The following ROBO2 variants were observed in gnomAD, a reference collection of about 807,000 sequenced individuals.
ROBO2 encodes roundabout homolog 2.
ROBO2 carries 53 observed loss-of-function variants against 160.8 expected under a neutral mutation model. The observed-to-expected ratio is 0.33, with a 90% confidence interval of 0.26 to 0.41. The LOEUF (loss-of-function observed/expected upper bound fraction) is 0.41. Among genes scored for constraint, ROBO2 ranks in the 10% least tolerant of loss-of-function variants. The pLI is 1.00. For missense variants in ROBO2, 1,577 were observed against 1,722.4 expected, an observed-to-expected ratio of 0.92 and a Z score of 1.49; for synonymous variants, 664 against 611.7, an observed-to-expected ratio of 1.09 and a Z score of -1.26.
At chr3:77,225,273 T>A (rs748956863) in intron 2 of ROBO2, among the ~76,000 whole-genome samples, 1 of 151,984 alleles carries the variant, frequency 6.6e-6, no homozygotes, top group Admixed American at 6.6e-5. Context: ...GGAATTACTA[T>A]GCTCATGTTG....
intron 6 of ROBO2, among the ~76,000 whole-genome samples, chr3:77,530,057 A>G (rs1347118910): frequency 6.6e-6 from 1 of 151,956 alleles, no homozygotes; most frequent in East Asian, 1.9e-4. Context: ...GAAAAACTAC[A>G]TTATTATTTA....
intron 17 of ROBO2, among the ~76,000 whole-genome samples, chr3:77,594,890 A>G (rs946890059): frequency 2.0e-5 from 3 of 152,212 alleles, no homozygotes; most frequent in Admixed American, 2.0e-4. Flanking sequence ...TTAAATACAA[A>G]TTAGTTCTTT....
intron 2 of ROBO2, among the ~76,000 whole-genome samples, chr3:76,445,660 G>C (rs1394245818): frequency 6.6e-6 from 1 of 152,004 alleles, no homozygotes; most frequent in Admixed American, 6.6e-5. Flanking sequence ...GGCAAACCGA[G>C]TCCAGCAACT....
chr3:77,233,229 C>G (rs544017192), intron 2 of ROBO2, among the ~76,000 whole-genome samples: 1 of 152,110 alleles, frequency 6.6e-6, no homozygotes, highest in Non-Finnish European at 1.5e-5. Flanking sequence ...ATACCATGAA[C>G]AATTCAGTAA....
At chr3:76,749,989 A>G (rs909451773) in intron 2 of ROBO2, among the ~76,000 whole-genome samples, 1 of 152,136 alleles carries the variant, frequency 6.6e-6, no homozygotes, top group African/African-American at 2.4e-5. Flanking sequence ...GCAGAGACAC[A>G]ACAGAAAAAG....
At chr3:75,974,986 A>C (rs991300384) in intron 2 of ROBO2, among the ~76,000 whole-genome samples, 1 of 151,558 alleles carries the variant, frequency 6.6e-6, no homozygotes, top group Non-Finnish European at 1.5e-5. Context: ...CTGTCCTCAA[A>C]ATATAAATAA....
At chr3:76,779,923 A>G (rs934870524) in intron 2 of ROBO2, among the ~76,000 whole-genome samples, 1 of 150,994 alleles carries the variant, frequency 6.6e-6, no homozygotes, top group Non-Finnish European at 1.5e-5. Flanking sequence ...TAGAAGTGAG[A>G]TTGTTGGATC....
intron 2 of ROBO2, among the ~76,000 whole-genome samples, chr3:76,599,471 C>A (rs1366257267): frequency 6.6e-6 from 1 of 151,966 alleles, no homozygotes; most frequent in Non-Finnish European, 1.5e-5. Context: ...TATGTTGATT[C>A]CATGTCTTTG....
intron 2 of ROBO2, among the ~76,000 whole-genome samples, chr3:76,634,009 T>C (rs888781367): frequency 3.3e-5 from 5 of 152,246 alleles, no homozygotes; most frequent in Admixed American, 1.3e-4. Context: ...ATTTAAAAGA[T>C]AATGTAATGG....
chr3:76,993,688 A>G (rs987335642), intron 2 of ROBO2, among the ~76,000 whole-genome samples: 3 of 152,212 alleles, frequency 2.0e-5, no homozygotes, highest in East Asian at 1.9e-4. Flanking sequence ...CCATACTTTG[A>G]TGGGAAGGGG....
chr3:77,258,608 C>T (rs2058576013), intron 2 of ROBO2, among the ~76,000 whole-genome samples: 1 of 130,716 alleles, frequency 7.7e-6, no homozygotes, highest in African/African-American at 3.0e-5. Flanking sequence ...GGGTGACAGA[C>T]GGAGACTTTG....
chr3:77,096,770 C>G (rs548150387), intron 1 of ROBO2, among the ~76,000 whole-genome samples: 7 of 152,152 alleles, frequency 4.6e-5, no homozygotes, highest in African/African-American at 1.7e-4. Flanking sequence ...TTTCTTACGC[C>G]CCTTATGGCC....
At chr3:76,701,181 C>G (rs572380499) in intron 2 of ROBO2, among the ~76,000 whole-genome samples, 1 of 152,136 alleles carries the variant, frequency 6.6e-6, no homozygotes, top group East Asian at 1.9e-4. Flanking sequence ...TTTGCTGATG[C>G]TTGCAAAGTT....
At chr3:77,369,585 G>A (rs2153475640) in intron 2 of ROBO2, among the ~76,000 whole-genome samples, 1 of 152,256 alleles carries the variant, frequency 6.6e-6, no homozygotes, top group East Asian at 1.9e-4. Context: ...CTGCATTTTT[G>A]TAATTATTGG....
chr3:76,171,392 G>GGGAAA (rs1345108588), intron 2 of ROBO2, among the ~76,000 whole-genome samples: 3 of 151,776 alleles, frequency 2.0e-5, no homozygotes, highest in African/African-American at 7.3e-5. Flanking sequence ...TCAGTCAGGT[G>GGGAAA]GGAAAGGGAA....
chr3:77,051,595 C>T (rs1180505500), intron 1 of ROBO2, among the ~76,000 whole-genome samples: 1 of 152,232 alleles, frequency 6.6e-6, no homozygotes, highest in Admixed American at 6.5e-5. Flanking sequence ...TTCAACATTT[C>T]TTTTCAGAAA....
intron 2 of ROBO2, among the ~76,000 whole-genome samples, chr3:76,749,656 A>C (rs1357272024): frequency 6.6e-6 from 1 of 152,130 alleles, no homozygotes; most frequent in African/African-American, 2.4e-5. Context: ...ATTAATGGGT[A>C]TACAAGTATC....
intron 2 of ROBO2, among the ~76,000 whole-genome samples, chr3:77,449,322 T>C (rs2080889026): frequency 6.6e-6 from 1 of 152,136 alleles, no homozygotes; most frequent in African/African-American, 2.4e-5. Context: ...TCTGTATTTT[T>C]AATTTCCATT....
intron 2 of ROBO2, among the ~76,000 whole-genome samples, chr3:76,899,842 A>G (rs761332960): frequency 6.6e-6 from 1 of 152,080 alleles, no homozygotes; most frequent in Non-Finnish European, 1.5e-5. Flanking sequence ...TGATGCTCAT[A>G]AGTATATGTT....
Sources: allele counts gnomAD v4.1 joint callset (sites outside exome capture counted in the v4.1 genomes callset), GRCh38; gene constraint gnomAD v4.1.1; transcripts MANE v1.5; gene names NCBI Gene and HGNC (gene_info 2026-07-23, HGNC 2026-07-21).